Variants in SLC35F2 observed in about 807,000 individuals in gnomAD.
SLC35F2 encodes solute carrier family 35 member F2, also known as queuine/queuosine transporter SLC35F2.
A neutral mutation model predicts 38.1 loss-of-function variants in SLC35F2; 25 were observed. The observed-to-expected ratio is 0.66, with a 90% CI of 0.48 to 0.92. The LOEUF is 0.92. Among genes scored for constraint, SLC35F2 ranks in the 40% least tolerant of loss-of-function variants. The pLI, the probability that SLC35F2 is intolerant of heterozygous loss-of-function variation, is 0.00. For synonymous variants in SLC35F2, 173 were observed against 181.7 expected, an observed-to-expected ratio of 0.95 and a Z score of 0.38; for missense variants, 409 against 452.9, an observed-to-expected ratio of 0.90 and a Z score of 0.88.
rs777987517 is a variant in SLC35F2 at position 107,803,069 on chromosome 11, C to T, written c.871G>A (p.Val291Ile). 35 of 1,613,820 alleles carry T rather than the reference C, an allele frequency of 2.2e-5. No individual in the cohort carries two copies. In the East Asian group the frequency reaches 5.8e-4, roughly 27 times the overall value. Residue 291 changes from valine (V) to isoleucine (I), a missense_variant, in exon 7 of 8, where the codon GTC becomes ATC. Coordinates refer to ENST00000525815, the MANE Select transcript of SLC35F2 (RefSeq NM_017515.5). ...TCCGCTGTCAGGATGCCCAGGTTGA[C>T]GGAAGTGGCACTAGTGACTTTAATC... ...LVIKVTSATS[V>I]NLGILTADLY...
At chr11:107,837,314 G>C (rs1217168733) in intron 1 of SLC35F2, among the ~76,000 whole-genome samples, 2 of 152,076 alleles carry the variant, frequency 1.3e-5, no homozygotes, top group Non-Finnish European at 2.9e-5. Context: ...CCAAGTTTAT[G>C]TGCCAAATAA....
At chr11:107,806,585 T>C in intron 4 of SLC35F2, 132 bp downstream of exon 4, 1 of 782,506 alleles carries the variant, frequency 1.3e-6, no homozygotes. Context: ...ACACAAAGTG[T>C]GGCAAAGTGT....
At chr11:107,836,188 G>A (rs975131695) in intron 1 of SLC35F2, among the ~76,000 whole-genome samples, 1 of 151,792 alleles carries the variant, frequency 6.6e-6, no homozygotes, top group Non-Finnish European at 1.5e-5. Context: ...TTGAGTAAAG[G>A]TTTCCTTGAC....
intron 1 of SLC35F2, among the ~76,000 whole-genome samples, chr11:107,831,276 G>A (rs58124926): frequency 0.14 from 21,272 of 152,228 alleles, 3,610 homozygotes; most frequent in African/African-American, 0.41. Context: ...AAAAATAAAA[G>A]TGTAAAATAA....
rs990227673 is a variant in SLC35F2 at position 107,791,765 on chromosome 11, C to CTT, written c.*848_*849dup. 3.9e-5 allele frequency: 6 copies of CTT among 152,224 alleles called. No homozygotes were observed. The highest frequency in any genetic ancestry group is 1.4e-4 in the African/African-American group (6 of 41,428). 9.4% of individuals were successfully genotyped at this position (152,224 alleles called of 1,614,324 possible). ...GTGGCTCAAGCCTGTAATCCCAGCACTTTGGGAGGTCGGGGCAGGCAGATC... is the reference window on the plus strand; with the variant it reads ...GTGGCTCAAGCCTGTAATCCCAGCACTTTTTGGGAGGTCGGGGCAGGCAGATC... On this transcript the variant is annotated 3_prime_UTR_variant, in exon 8 of 8. Transcript: ENST00000525815.
intron 3 of SLC35F2, chr11:107,810,706 A>G: frequency 1.0e-6 from 1 of 982,092 alleles, no homozygotes; most frequent in Non-Finnish European, 1.2e-6. Context: ...AACAATGCTT[A>G]GCACAATGTT....
chr11:107,799,655 A>C (rs1475785257), intron 7 of SLC35F2, among the ~76,000 whole-genome samples: 1 of 151,830 alleles, frequency 6.6e-6, no homozygotes, highest in Non-Finnish European at 1.5e-5. Context: ...CAATGGCATG[A>C]TCTCGGCTCA....
intron 2 of SLC35F2, among the ~76,000 whole-genome samples, chr11:107,813,214 G>A (rs975277343): frequency 6.6e-6 from 1 of 152,290 alleles, no homozygotes; most frequent in African/African-American, 2.4e-5. Flanking sequence ...GGAGGCTGAG[G>A]TGGGCAGATC....
intron 1 of SLC35F2, chr11:107,821,353 A>AT (rs1463463590): frequency 1.1e-6 from 1 of 952,252 alleles, no homozygotes; most frequent in Admixed American, 6.2e-5. Flanking sequence ...AGAGTCACAA[A>AT]TTGAGTATGG....
chr11:107,821,184 T>C (rs1437308054), intron 1 of SLC35F2, among the ~76,000 whole-genome samples: 1 of 152,168 alleles, frequency 6.6e-6, no homozygotes. Context: ...TGAAAGCAAT[T>C]ATAAATCTGA....
In SLC35F2 at chr11:107,792,812, G is replaced by A. The variant is rs756880797; in HGVS notation, c.940-12C>T. ...TAGAGTCCTGAAAACTAGAAGGGAAGAACAGGCAGTGAATTGTGCCCCTCA... is the reference window on the plus strand; with the variant it reads ...TAGAGTCCTGAAAACTAGAAGGGAAAAACAGGCAGTGAATTGTGCCCCTCA... On this transcript the variant is annotated splice_polypyrimidine_tract_variant and intron_variant, in intron 7 of 7. Coordinates refer to ENST00000525815, the MANE Select transcript of SLC35F2 (RefSeq NM_017515.5). The A allele has an allele frequency of 6.5e-7, 1 of 1,548,642 alleles. No individual in the cohort carries two copies. Among genetic ancestry groups the A allele is most frequent in the Non-Finnish European group, 8.7e-7 (1 of 1,143,812 alleles).
intron 1 of SLC35F2, among the ~76,000 whole-genome samples, chr11:107,837,337 G>C (rs1859944478): frequency 6.6e-6 from 1 of 152,094 alleles, no homozygotes; most frequent in Admixed American, 6.6e-5. Context: ...AGCAGCACTA[G>C]ATTAAAATCC....
chr11:107,825,282 G>A (rs894345689), intron 1 of SLC35F2, among the ~76,000 whole-genome samples: 1 of 151,660 alleles, frequency 6.6e-6, no homozygotes, highest in African/African-American at 2.4e-5. Context: ...CATGTGATAT[G>A]AATCATCTAA....
intron 1 of SLC35F2, among the ~76,000 whole-genome samples, chr11:107,837,433 AT>A (rs1269544148): frequency 6.6e-6 from 1 of 151,822 alleles, no homozygotes; most frequent in African/African-American, 2.4e-5. Flanking sequence ...CATGCCTGTA[AT>A]CCCAGCACTT....
At chr11:107,851,958 G>A (rs1454302428) in intron 1 of SLC35F2, among the ~76,000 whole-genome samples, 1 of 152,180 alleles carries the variant, frequency 6.6e-6, no homozygotes, top group East Asian at 1.9e-4. Flanking sequence ...TGCATACACA[G>A]TGAGAGCTCA....
intron 2 of SLC35F2, among the ~76,000 whole-genome samples, chr11:107,812,979 G>A (rs1859505925): frequency 6.6e-6 from 1 of 152,130 alleles, no homozygotes; most frequent in South Asian, 2.1e-4. Flanking sequence ...CAAATTATAT[G>A]TATTCAAATT....
intron 1 of SLC35F2, among the ~76,000 whole-genome samples, chr11:107,845,950 C>CATTCATAAATAAATAA: frequency 7.0e-6 from 1 of 142,852 alleles, no homozygotes; most frequent in East Asian, 2.0e-4. Flanking sequence ...GAGATTCTGT[C>CATTCATAAATAAATAA]ATAAATAAAT....
intron 1 of SLC35F2, among the ~76,000 whole-genome samples, chr11:107,848,558 T>C (rs1264043639): frequency 6.6e-6 from 1 of 152,140 alleles, no homozygotes; most frequent in Non-Finnish European, 1.5e-5. Context: ...CAAATCCTTT[T>C]TACCATGTGA....
chr11:107,839,954 GA>G, intron 1 of SLC35F2, among the ~76,000 whole-genome samples: 1 of 152,266 alleles, frequency 6.6e-6, no homozygotes, highest in East Asian at 1.9e-4. Context: ...TGCCCAACCT[GA>G]AACACATTTT....
Sources: allele counts gnomAD v4.1 joint callset (sites outside exome capture counted in the v4.1 genomes callset), GRCh38; gene constraint gnomAD v4.1.1; transcripts MANE v1.5; gene names NCBI Gene and HGNC (gene_info 2026-07-23, HGNC 2026-07-21).